Variants in B3GLCT observed in about 807,000 individuals in gnomAD.
B3GLCT encodes beta-1,3-glucosyltransferase.
Under a neutral mutation model 63.4 loss-of-function variants are expected in B3GLCT, and 65 were observed. The ratio of observed to expected loss-of-function variants is 1.03; its 90% CI spans 0.84 to 1.26. The LOEUF is 1.26. B3GLCT is among the 50% of genes most tolerant of loss of function. The pLI is 0.00. For missense variants in B3GLCT, 577 were observed against 604.8 expected (o/e 0.95, Z 0.48); for synonymous variants, 233 against 219.2 (o/e 1.06, Z -0.55).
At chr13:31,327,650 G>C (rs978840111) in intron 14 of B3GLCT, among the ~76,000 whole-genome samples, 8 of 152,112 alleles carry the variant, frequency 5.3e-5, no homozygotes, top group Non-Finnish European at 1.0e-4. Context: ...TTTCTCCTTG[G>C]TTTTCTTCCT....
chr13:31,312,722 A>G (rs1161972414), intron 12 of B3GLCT: 1 of 152,258 alleles, frequency 6.6e-6, no homozygotes, highest in Non-Finnish European at 1.5e-5. Context: ...CAAAAATGAA[A>G]ACTTTCCATA....
rs151026975 is a variant in B3GLCT at position 31,261,011 on chromosome 13, C to T, written c.525C>T (p.Ser175=). The change falls in exon 7 of 15, where the codon TCC becomes TCT. Residue 175 remains serine, a synonymous_variant. Coordinates refer to ENST00000343307, the MANE Select transcript of B3GLCT (RefSeq NM_194318.4). The part of the protein sequence containing the change: ...EATIIHHYAF[S]ENPTVFKYPD... ...CAATAATTCACCATTATGCCTTTTC[C>T]GAGAATCCTACAGTTTTTAAGTATC... The T allele has an allele frequency of 1.3e-5, 21 of 1,613,330 alleles. No homozygotes were observed. Among genetic ancestry groups the T allele is most frequent in the African/African-American group, 5.4e-5 (4 of 74,684 alleles).
At chr13:31,277,381 C>T (rs576761888) in intron 10 of B3GLCT, among the ~76,000 whole-genome samples, 34 of 149,204 alleles carry the variant, frequency 2.3e-4, no homozygotes, top group Admixed American at 5.3e-4. Context: ...TAAGTTGTGA[C>T]GATAATGTAA....
intron 6 of B3GLCT, among the ~76,000 whole-genome samples, chr13:31,259,762 T>C (rs1183714379): frequency 6.6e-6 from 1 of 151,938 alleles, no homozygotes; most frequent in Non-Finnish European, 1.5e-5. Context: ...GGGGCTCCCA[T>C]GGATGGGCTT....
intron 12 of B3GLCT, among the ~76,000 whole-genome samples, chr13:31,292,699 C>CTTTTTT (rs56038439): frequency 6.8e-6 from 1 of 147,526 alleles, no homozygotes; most frequent in Non-Finnish European, 1.5e-5. Context: ...ATTCTTCTCT[C>CTTTTTT]TTTTTTTTTT....
chr13:31,317,417 A>T, intron 12 of B3GLCT, 149 bp from the exon 13 acceptor site: 1 of 879,410 alleles, frequency 1.1e-6, no homozygotes, highest in Non-Finnish European at 1.8e-6. Flanking sequence ...TAAAAATTTT[A>T]TTTATTTTAT....
intron 3 of B3GLCT, among the ~76,000 whole-genome samples, chr13:31,225,607 A>G (rs1756997188): frequency 6.6e-6 from 1 of 152,198 alleles, no homozygotes; most frequent in South Asian, 2.1e-4. Context: ...TCAGGGTTGC[A>G]GGAGCTCCCC....
chr13:31,308,361 C>A (rs9565278), intron 12 of B3GLCT, among the ~76,000 whole-genome samples: 35,000 of 61,742 alleles, frequency 0.57, 10,994 homozygotes, highest in Non-Finnish European at 0.74. Flanking sequence ...AAAAAAAAAA[C>A]AAAAAAAAAA....
chr13:31,264,731 C>A (rs1355477), intron 7 of B3GLCT, among the ~76,000 whole-genome samples: 7 of 151,990 alleles, frequency 4.6e-5, no homozygotes, highest in East Asian at 3.9e-4. Context: ...TTCATTAGCC[C>A]CATCAGCTGC....
At chr13:31,304,513 G>T (rs1337689099) in intron 12 of B3GLCT, among the ~76,000 whole-genome samples, 1 of 70,368 alleles carries the variant, frequency 1.4e-5, no homozygotes, top group Non-Finnish European at 2.8e-5. Context: ...ACAAAAAAAG[G>T]CAGGGGTTGC....
rs1511579 is a variant in B3GLCT, at chr13:31,285,695, C to T, written c.964+934C>T. 3.6e-4 allele frequency among the ~76,000 whole-genome samples: 55 copies of T among 151,352 alleles called. 1 individual carries two copies. The East Asian group carries it at 7.4e-3, about 20-fold the overall frequency. On this transcript the variant is annotated intron_variant, in intron 11 of 14. Coordinates refer to ENST00000343307, the MANE Select transcript of B3GLCT (RefSeq NM_194318.4). ...TTTTATGTTAGTGTCACTCATAATT[C>T]TTTCATTAATATAGTACAATGCAGA... is the stretch of plus-strand genomic sequence containing the variant.
At chr13:31,213,372 C>G (rs1167707961) in intron 1 of B3GLCT, among the ~76,000 whole-genome samples, 1 of 152,126 alleles carries the variant, frequency 6.6e-6, no homozygotes, top group Non-Finnish European at 1.5e-5. Context: ...GGCGGCTTGC[C>G]TGAGCCCAGG....
chr13:31,284,489 G>T (rs1250586577), intron 10 of B3GLCT, among the ~76,000 whole-genome samples, 159 bp from the exon 11 acceptor site: 1 of 152,160 alleles, frequency 6.6e-6, no homozygotes, highest in African/African-American at 2.4e-5. Flanking sequence ...AGTCAACAAC[G>T]TTGGCATTTC....
At chr13:31,313,471 C>T (rs1328887446) in intron 12 of B3GLCT, among the ~76,000 whole-genome samples, 1 of 152,154 alleles carries the variant, frequency 6.6e-6, no homozygotes, top group African/African-American at 2.4e-5. Flanking sequence ...TGTGTTTTAG[C>T]AAAGAGACTT....
chr13:31,244,085 A>G (rs950594689), intron 4 of B3GLCT, among the ~76,000 whole-genome samples: 1 of 152,212 alleles, frequency 6.6e-6, no homozygotes, highest in African/African-American at 2.4e-5. Flanking sequence ...TGCCTTTACT[A>G]TGTCTTTATT....
At chr13:31,302,172 T>C (rs1874253470) in intron 12 of B3GLCT, among the ~76,000 whole-genome samples, 1 of 152,228 alleles carries the variant, frequency 6.6e-6, no homozygotes, top group Admixed American at 6.5e-5. Flanking sequence ...TGATAAGGCT[T>C]CTGGAACTGT....
intron 4 of B3GLCT, among the ~76,000 whole-genome samples, chr13:31,229,934 A>G (rs1175973041): frequency 6.6e-6 from 1 of 151,802 alleles, no homozygotes; most frequent in East Asian, 1.9e-4. Context: ...AGAAGAAATA[A>G]CTTTCTAAAG....
intron 7 of B3GLCT, among the ~76,000 whole-genome samples, chr13:31,261,989 C>T (rs540270731): frequency 2.6e-5 from 4 of 152,192 alleles, no homozygotes; most frequent in African/African-American, 9.6e-5. Context: ...AGGAAGCAGC[C>T]GTATGTTGTA....
At chr13:31,235,470 G>T (rs908099364) in intron 4 of B3GLCT, among the ~76,000 whole-genome samples, 1 of 152,044 alleles carries the variant, frequency 6.6e-6, no homozygotes, top group Non-Finnish European at 1.5e-5. Context: ...CCATACGAAG[G>T]GATACAGAGA....
Sources: gnomAD v4.1 joint callset for allele counts (sites outside exome capture counted in the v4.1 genomes callset) on GRCh38, gnomAD v4.1.1 for gene constraint, MANE v1.5 for transcripts, NCBI Gene and HGNC (gene_info 2026-07-23, HGNC 2026-07-21) for gene names.